COL4A5: variants seen among roughly 807,000 people sequenced by gnomAD.
COL4A5 encodes collagen type IV alpha 5 chain.
A neutral mutation model predicts 130.2 loss-of-function variants in COL4A5; 26 were observed. The ratio of observed to expected loss-of-function variants is 0.20; its 90% CI spans 0.15 to 0.28. The LOEUF (loss-of-function observed/expected upper bound fraction) is 0.28, where lower values mean the gene tolerates loss of function less well. COL4A5 is among the 10% of genes least tolerant of loss of function. The pLI is 1.00. For missense variants in COL4A5, 1,131 were observed against 1,344.3 expected (o/e 0.84, Z 2.48); for synonymous variants, 496 against 439.6 (o/e 1.13, Z -1.60).
intron 19 of COL4A5, among the ~76,000 whole-genome samples, chrX:108,587,529 A>C (rs766401352): frequency 1.4e-4 from 16 of 112,166 alleles, no homozygotes; most frequent in Non-Finnish European, 3.0e-4. Context: ...ACTGATGAAC[A>C]TTCAGGTTGA....
chrX:108,495,414 G>A (rs1209453630), intron 1 of COL4A5, among the ~76,000 whole-genome samples: 8 of 111,129 alleles, frequency 7.2e-5, no homozygotes, highest in Admixed American at 2.9e-4. Context: ...AGCTATAAAC[G>A]GAGAAAATAT....
At chrX:108,591,740 C>A in intron 21 of COL4A5, 96 bp downstream of exon 21, 1 of 676,885 alleles carries the variant, frequency 1.5e-6, no homozygotes, top group South Asian at 2.3e-5. Context: ...TAGCCACTGA[C>A]TCCCATGGTC....
rs763082221 is a variant in COL4A5 at position 108,558,736 on chromosome X, AC to A, written c.142-325del. ...CCCTGCTCCATACTTATTTAATGTAACCCTTACAGATCTGGTTTCCTGGATT... is the reference window on the plus strand; with the variant it reads ...CCCTGCTCCATACTTATTTAATGTAACCTTACAGATCTGGTTTCCTGGATT... On this transcript the variant is annotated intron_variant, in intron 2 of 52. Coordinates refer to ENST00000328300, the MANE Select transcript of COL4A5 (RefSeq NM_033380.3). Among the ~76,000 whole-genome samples the A allele has an allele frequency of 1.6e-3, 175 of 111,052 alleles. 1 individual carries two copies. The highest frequency in any genetic ancestry group is 5.1e-3 in the African/African-American group (156 of 30,538).
At chrX:108,452,775 GGACAGTTT>G (rs1332451390) in intron 1 of COL4A5, among the ~76,000 whole-genome samples, 23 of 111,882 alleles carry the variant, frequency 2.1e-4, no homozygotes, top group African/African-American at 7.2e-4. Context: ...CTGCAAACAT[GGACAGTTT>G]GACTTCGTCT....
At chrX:108,576,966 T>C (rs746815170) in intron 10 of COL4A5, among the ~76,000 whole-genome samples, 1 of 111,809 alleles carries the variant, frequency 8.9e-6, no homozygotes, top group Non-Finnish European at 1.9e-5. Context: ...TTGAGTATAT[T>C]GTTACACCTT....
chrX:108,500,286 G>A (rs1238837022), intron 1 of COL4A5, among the ~76,000 whole-genome samples: 1 of 112,177 alleles, frequency 8.9e-6, no homozygotes, highest in Non-Finnish European at 1.9e-5. Context: ...CGGAGGAGGT[G>A]CAGTCTTTCA....
intron 47 of COL4A5, 99 bp from the exon 48 acceptor site, chrX:108,685,932 A>C: frequency 1.4e-6 from 1 of 720,355 alleles, no homozygotes; most frequent in Non-Finnish European, 2.1e-6. Flanking sequence ...GACAAAACCA[A>C]ATTGTGAATT....
At chrX:108,587,242 C>A (rs1049152026) in intron 19 of COL4A5, among the ~76,000 whole-genome samples, 1 of 110,576 alleles carries the variant, frequency 9.0e-6, no homozygotes, top group African/African-American at 3.3e-5. Context: ...ATGTTTGTAC[C>A]CATTAACCAA....
intron 1 of COL4A5, among the ~76,000 whole-genome samples, chrX:108,471,190 T>G (rs761304733): frequency 8.9e-6 from 1 of 111,929 alleles, no homozygotes; most frequent in South Asian, 3.8e-4. Flanking sequence ...AAAAATGACA[T>G]TGATAGTTTG....
intron 18 of COL4A5, 69 bp downstream of exon 18, chrX:108,584,594 G>A (rs1359456643): frequency 1.1e-5 from 10 of 883,944 alleles, no homozygotes; most frequent in Non-Finnish European, 1.6e-6. Context: ...TGCCTTAATC[G>A]CATACTCCCT....
At chrX:108,512,533 A>AT (rs1024885083) in intron 1 of COL4A5, among the ~76,000 whole-genome samples, 10 of 109,716 alleles carry the variant, frequency 9.1e-5, no homozygotes, top group African/African-American at 2.7e-4. Context: ...TTTTTTTTTA[A>AT]TTTTTTTTAT....
intron 36 of COL4A5, among the ~76,000 whole-genome samples, chrX:108,650,024 T>C (rs1018912878): frequency 9.1e-6 from 1 of 109,962 alleles, no homozygotes; most frequent in Non-Finnish European, 1.9e-5. Context: ...GAAGGACGAA[T>C]ATCCAGACTC....
intron 42 of COL4A5, among the ~76,000 whole-genome samples, chrX:108,672,946 A>G (rs2068233358): frequency 8.9e-6 from 1 of 112,418 alleles, no homozygotes; most frequent in Non-Finnish European, 1.9e-5. Flanking sequence ...ATTTAGAAAC[A>G]ATTTAAATAA....
intron 19 of COL4A5, among the ~76,000 whole-genome samples, chrX:108,587,249 C>T (rs959979929): frequency 3.6e-5 from 4 of 111,137 alleles, no homozygotes; most frequent in Non-Finnish European, 7.6e-5. Flanking sequence ...TACCCATTAA[C>T]CAACCTTTCT....
chrX:108,586,824 C>A, intron 19 of COL4A5, 77 bp downstream of exon 19: 1 of 1,065,431 alleles, frequency 9.4e-7, no homozygotes, highest in Non-Finnish European at 1.3e-6. Context: ...CACATTAGTT[C>A]CATGGTCAGC....
At chrX:108,454,851 G>A (rs762253866) in intron 1 of COL4A5, among the ~76,000 whole-genome samples, 20 of 110,996 alleles carry the variant, frequency 1.8e-4, no homozygotes, top group Admixed American at 1.6e-3. Context: ...GGACTCAAGG[G>A]ATCCTCCAAC....
At chrX:108,680,593 A>AT (rs766638985) in intron 44 of COL4A5, 86 bp from the exon 45 acceptor site, 497 of 741,411 alleles carry the variant, frequency 6.7e-4, no homozygotes, top group Non-Finnish European at 9.5e-4. Context: ...ATAGTGCTAT[A>AT]TGCCACTATG....
At chrX:108,563,826 G>A in intron 3 of COL4A5, 56 bp from the exon 4 acceptor site, 1 of 976,287 alleles carries the variant, frequency 1.0e-6, no homozygotes, top group Non-Finnish European at 1.5e-6. Context: ...AATTGAAAAT[G>A]AGTTATTTGA....
intron 1 of COL4A5, among the ~76,000 whole-genome samples, chrX:108,535,852 A>ATT (rs773357022): frequency 2.3e-4 from 24 of 106,542 alleles, no homozygotes; most frequent in Non-Finnish European, 4.3e-4. Context: ...TTTTCCAAGC[A>ATT]TTTTTTTTTT....
Sources: gnomAD v4.1 joint callset for allele counts (sites outside exome capture counted in the v4.1 genomes callset) on GRCh38, gnomAD v4.1.1 for gene constraint, MANE v1.5 for transcripts, NCBI Gene and HGNC (gene_info 2026-07-23, HGNC 2026-07-21) for gene names.